PPP1R35: variants seen among roughly 807,000 people sequenced by gnomAD.
PPP1R35 encodes the protein protein phosphatase 1 regulatory subunit 35.
Under a neutral mutation model 22.2 loss-of-function variants are expected in PPP1R35, and 23 were observed. The ratio of observed to expected loss-of-function variants is 1.04; its 90% confidence interval spans 0.75 to 1.47. The LOEUF (loss-of-function observed/expected upper bound fraction) is 1.47, where lower values mean the gene tolerates loss of function less well. PPP1R35 is among the 40% of genes most tolerant of loss of function. The pLI, the probability that PPP1R35 is intolerant of heterozygous loss-of-function variation, is 0.00. For synonymous variants in PPP1R35, 198 were observed against 165.7 expected (o/e 1.19, Z -1.50); for missense variants, 409 against 349.6 (o/e 1.17, Z -1.36).
At position 100,435,875 on chromosome 7, in the gene PPP1R35, A is replaced by G. The variant is rs201142571; in HGVS notation, c.424T>C (p.Cys142Arg). The G allele has an allele frequency of 1.9e-6, 3 of 1,597,064 alleles. No homozygotes were observed. In the African/African-American group the frequency reaches 4.0e-5, roughly 21 times the overall value. The part of the protein sequence containing the change: ...EQLRKSFQIR[C>R]GLEESVSEGL... ...TCGGACACGCTCTCCTCCAGGCCGC[A>G]GCGGATCTGGAACGACTTTCTCAGC... The change falls in exon 2 of 4, where the codon TGC becomes CGC. Residue 142 changes from cysteine (C) to arginine (R), a missense_variant. Transcript: ENST00000292330.
chr7:100,435,823 G>GCGGC (rs1563168252), intron 2 of PPP1R35, 25 bp downstream of exon 2: 20 of 1,575,090 alleles, frequency 1.3e-5, no homozygotes, highest in South Asian at 3.4e-5. Context: ...ACTCCCGCAC[G>GCGGC]CGGCCGGCCG....
Position 100,436,006 on chromosome 7 carries a change from G to C in PPP1R35, c.293C>G (p.Pro98Arg). 6.4e-6 allele frequency: 10 copies of C among 1,553,590 alleles called. 1 individual carries two copies. Among genetic ancestry groups the C allele is most frequent in the Non-Finnish European group, 8.7e-6 (10 of 1,155,832 alleles). ...CAGCACGGGCATCTCCAGCTCCTGCGGCACCGCAGGCTGCGGCTCGGACCG... is the reference window on the plus strand; with the variant it reads ...CAGCACGGGCATCTCCAGCTCCTGCCGCACCGCAGGCTGCGGCTCGGACCG... ...PVRSEPQPAV[P>R]QELEMPVLKS... Residue 98 changes from proline to arginine, a missense_variant, in exon 2 of 4, where the codon CCG becomes CGG. Coordinates refer to ENST00000292330, the MANE Select transcript of PPP1R35 (RefSeq NM_145030.4).
Position 100,436,283 on chromosome 7 carries a change from G to C in PPP1R35, c.92C>G (p.Pro31Arg), listed in dbSNP as rs749629453. Residue 31 changes from proline (P) to arginine (R), a missense_variant, in exon 1 of 4, where the codon CCG becomes CGG. Transcript: ENST00000292330. ...CTCGGGCACTGGGGCTCGGAGTTGCGGGACTTGGGGCTCCGGGGGTGGCCC... is the reference window on the plus strand; with the variant it reads ...CTCGGGCACTGGGGCTCGGAGTTGCCGGACTTGGGGCTCCGGGGGTGGCCC... ...VPGPPPEPQV[P>R]QLRAPVPEPG... The C allele has an allele frequency of 1.4e-5, 19 of 1,350,718 alleles. No homozygotes were observed. Among genetic ancestry groups the C allele is most frequent in the Admixed American group, 3.0e-5 (1 of 33,526 alleles). 83.7% of individuals were successfully genotyped at this position (1,350,718 alleles called of 1,614,324 possible).
In PPP1R35 at chr7:100,435,770, G is replaced by C. The variant is rs750452769; in HGVS notation, c.452-3C>G. ...CTTGGAGCGCGGCACGTTCAGCCCT[G>C]AGAGCGCAGCGGGGACGGAGGTGAG... On this transcript the variant is annotated splice_polypyrimidine_tract_variant and splice_region_variant and intron_variant, in intron 2 of 3. Transcript: ENST00000292330. The C allele has an allele frequency of 1.3e-6, 2 of 1,598,248 alleles. No homozygotes were observed. Among genetic ancestry groups the C allele is most frequent in the Non-Finnish European group, 1.7e-6 (2 of 1,176,986 alleles).
chr7:100,436,381 A>T lies in PPP1R35; in HGVS notation c.-7T>A. The T allele has an allele frequency of 6.7e-7, 1 of 1,495,428 alleles. No homozygotes were observed. Among genetic ancestry groups the T allele is most frequent in the Non-Finnish European group, 8.9e-7 (1 of 1,118,968 alleles). 92.6% of individuals were successfully genotyped at this position (1,495,428 alleles called of 1,614,324 possible). On this transcript the variant is annotated 5_prime_UTR_variant, in exon 1 of 4. Coordinates refer to ENST00000292330, the MANE Select transcript of PPP1R35 (RefSeq NM_145030.4). Reference sequence around the variant, plus strand: ...CCCCACAACCCATCATCATCTTTGGAGGTGCCTTGAGGGTGCGGGGATGCG... The same window carrying T: ...CCCCACAACCCATCATCATCTTTGGTGGTGCCTTGAGGGTGCGGGGATGCG...
In PPP1R35 at chr7:100,435,400, G is replaced by C. The variant is rs771432089; in HGVS notation, c.722C>G (p.Thr241Ser). 1.9e-5 allele frequency: 30 copies of C among 1,611,426 alleles called. No individual in the cohort carries two copies. The highest frequency in any genetic ancestry group is 1.9e-5 in the Non-Finnish European group (22 of 1,179,330). The change falls in exon 4 of 4, where the codon ACC becomes AGC. Residue 241 changes from threonine to serine, a missense_variant. Thr to Ser is a moderately conservative substitution (Grantham distance 58). Coordinates refer to ENST00000292330, the MANE Select transcript of PPP1R35 (RefSeq NM_145030.4). ...CCTCAGTGTCCGGTGCATGAGGAAG[G>C]TGTCCTCTGAAGGGCGGGGCCGGAG... ...LQLRPRPSED[T>S]FLMHRTLRRW...
In PPP1R35 at chr7:100,435,903, T is replaced by C; in HGVS notation, c.396A>G (p.Glu132=). ...SHFDAAKAVE[E]QLRKSFQIRC... ...GGATCTGGAACGACTTTCTCAGCTG[T>C]TCCTCCACGGCCTTCGCAGCATCAA... Residue 132 remains glutamate (E), a synonymous_variant, in exon 2 of 4, where the codon GAA becomes GAG. Transcript: ENST00000292330. 1.9e-6 allele frequency: 3 copies of C among 1,563,946 alleles called. No homozygotes were observed. The highest frequency in any genetic ancestry group is 1.7e-6 in the Non-Finnish European group (2 of 1,153,854).
At chr7:100,436,501 C>T (rs1008585685), upstream of PPP1R35, 5 of 622,130 alleles carry the variant, frequency 8.0e-6, no homozygotes, top group Non-Finnish European at 1.2e-5. Context: ...AACCGTTAAC[C>T]CTTTCCTTCG....
In PPP1R35 at chr7:100,436,084, C is replaced by T; in HGVS notation, c.235-20G>A. On this transcript the variant is annotated intron_variant, in intron 1 of 3. Coordinates refer to ENST00000292330, the MANE Select transcript of PPP1R35 (RefSeq NM_145030.4). The stretch of plus-strand genomic sequence containing the variant: ...GCGGACCTGGGAGCAGAGGGCAGGG[C>T]AGTGACCAGGTGGGCGCGAGGCCGT... 6.6e-7 allele frequency: 1 copy of T among 1,518,514 alleles called. No homozygotes were observed. Among genetic ancestry groups the T allele is most frequent in the Non-Finnish European group, 8.8e-7 (1 of 1,140,290 alleles). The allele number at this position is 1,518,514 out of a possible 1,614,324, so 94.1% of individuals were successfully genotyped here.
rs748669640 is a variant in PPP1R35 at position 100,435,314 on chromosome 7, A to G, written c.*46T>C. On this transcript the variant is annotated 3_prime_UTR_variant, in exon 4 of 4. Transcript: ENST00000292330. ...GCAAAATTACTTTATTCTAACAAATAGTTTAACACAAAAATACGAACTAGC... is the reference window on the plus strand; with the variant it reads ...GCAAAATTACTTTATTCTAACAAATGGTTTAACACAAAAATACGAACTAGC... The G allele has an allele frequency of 1.9e-6, 3 of 1,541,522 alleles. No individual in the cohort carries two copies. Among genetic ancestry groups the G allele is most frequent in the East Asian group, 4.5e-5 (2 of 44,064 alleles).
At position 100,436,234 on chromosome 7, in the gene PPP1R35, G is replaced by A. The variant is rs763938448; in HGVS notation, c.141C>T (p.Ser47=). ...GCGGCTGAGGGCTGTCGGGCCGCGG[G>A]CTCAGGCTCAAGTCCAGGCCGGGCT... The part of the protein sequence containing the change: ...VPEPGLDLSL[S]PRPDSPQPRH... Residue 47 remains serine (S), a synonymous_variant, in exon 1 of 4, where the codon AGC becomes AGT. Coordinates refer to ENST00000292330, the MANE Select transcript of PPP1R35 (RefSeq NM_145030.4). The A allele has an allele frequency of 6.2e-6, 8 of 1,286,108 alleles. No homozygotes were observed. Among genetic ancestry groups the A allele is most frequent in the Non-Finnish European group, 7.9e-6 (8 of 1,013,988 alleles). 79.7% of individuals were successfully genotyped at this position (1,286,108 alleles called of 1,614,324 possible). A position where few individuals can be genotyped will look rare whatever the true frequency, so the allele number is the denominator to read the frequency against.
chr7:100,435,914 C>A lies in PPP1R35; in HGVS notation c.385G>T (p.Ala129Ser). Residue 129 changes from alanine to serine, a missense_variant, in exon 2 of 4, where the codon GCC (alanine) becomes TCC (serine). Transcript: ENST00000292330. ...AAGSHFDAAKAVEEQLRKSFQ... is the reference protein window; with the variant it reads ...AAGSHFDAAKSVEEQLRKSFQ... ...GACTTTCTCAGCTGTTCCTCCACGG[C>A]CTTCGCAGCATCAAAGTGGCTCCCG... 2.5e-6 allele frequency: 4 copies of A among 1,601,524 alleles called. No individual in the cohort carries two copies. In the South Asian group the frequency reaches 4.4e-5, roughly 18 times the overall value.
chr7:100,436,139 A>C lies in PPP1R35; in HGVS notation c.234+2T>G. ...GGCCGGGGGCCAGCCTCCCCCGCTC[A>C]CCTGCCGCCGCTGCCGAGCCGCGCC... On this transcript the variant is annotated splice_donor_variant, in intron 1 of 3. Transcript: ENST00000292330. LOFTEE classifies it high-confidence loss of function. The C allele has an allele frequency of 1.6e-6, 2 of 1,284,212 alleles. No individual in the cohort carries two copies. The highest frequency in any genetic ancestry group is 2.0e-6 in the Non-Finnish European group (2 of 1,020,468). The allele number at this position is 1,284,212 out of a possible 1,614,324, so 79.6% of individuals were successfully genotyped here. A position where few individuals can be genotyped will look rare whatever the true frequency, so the allele number is the denominator to read the frequency against.
In PPP1R35 at chr7:100,436,347, G is replaced by A. The variant is rs1361761102; in HGVS notation, c.28C>T (p.Leu10=). ...GCTTCTTCCCCGTCCGCCGACTTCA[G>A]CTCTGACTCCCCACAACCCATCATC... The part of the protein sequence containing the change: MMMGCGESE[L]KSADGEEAAA... Residue 10 remains leucine, a synonymous_variant, in exon 1 of 4, where the codon CTG becomes TTG. Coordinates refer to ENST00000292330, the MANE Select transcript of PPP1R35 (RefSeq NM_145030.4). The A allele has an allele frequency of 2.1e-6, 3 of 1,426,574 alleles. No individual in the cohort carries two copies. The highest frequency in any genetic ancestry group is 2.8e-6 in the Non-Finnish European group (3 of 1,083,366). 88.4% of individuals were successfully genotyped at this position (1,426,574 alleles called of 1,614,324 possible). A position where few individuals can be genotyped will look rare whatever the true frequency, so the allele number is the denominator to read the frequency against.
Position 100,435,391 on chromosome 7 carries a change from A to T in PPP1R35, c.731T>A (p.Met244Lys). ...RPRPSEDTFLMHRTLRRWEA is the reference protein window; with the variant it reads ...RPRPSEDTFLKHRTLRRWEA ...TTCCCATCGCCTCAGTGTCCGGTGC[A>T]TGAGGAAGGTGTCCTCTGAAGGGCG... Residue 244 changes from methionine to lysine, a missense_variant, in exon 4 of 4, where the codon ATG becomes AAG. Physicochemically the swap from Met to Lys is moderately conservative, Grantham distance 95. Coordinates refer to ENST00000292330, the MANE Select transcript of PPP1R35 (RefSeq NM_145030.4). 6.2e-7 allele frequency: 1 copy of T among 1,609,730 alleles called. No homozygotes were observed. The highest frequency in any genetic ancestry group is 1.3e-5 in the African/African-American group (1 of 74,674).
In PPP1R35 at chr7:100,436,446, G is replaced by T; in HGVS notation, c.-72C>A. 8.7e-7 allele frequency: 1 copy of T among 1,155,518 alleles called. No homozygotes were observed. The highest frequency in any genetic ancestry group is 1.2e-6 in the Non-Finnish European group (1 of 855,132). 71.6% of individuals were successfully genotyped at this position (1,155,518 alleles called of 1,614,324 possible). Reference sequence around the variant, plus strand: ...TCCAACGGTCAGGGGACACAGCCTGGCTGCCGCCTCCTTTCCCCCGCCCCT... The same window carrying T: ...TCCAACGGTCAGGGGACACAGCCTGTCTGCCGCCTCCTTTCCCCCGCCCCT... On this transcript the variant is annotated 5_prime_UTR_variant, in exon 1 of 4. Coordinates refer to ENST00000292330, the MANE Select transcript of PPP1R35 (RefSeq NM_145030.4).
chr7:100,435,594 G>A, intron 3 of PPP1R35, 37 bp downstream of exon 3: 5 of 1,614,054 alleles, frequency 3.1e-6, no homozygotes, highest in Non-Finnish European at 4.2e-6. Context: ...CGGGTAAGGG[G>A]GTACATGGAG....
chr7:100,435,954 C>A lies in PPP1R35; in HGVS notation c.345G>T (p.Glu115Asp). 1 of 1,589,388 alleles carries A rather than the reference C, an allele frequency of 6.3e-7. No individual in the cohort carries two copies. Among genetic ancestry groups the A allele is most frequent in the Non-Finnish European group, 8.5e-7 (1 of 1,173,626 alleles). ...VLKSSLALGL[E>D]LRAAAGSHFD... ...AGTGGCTCCCGGCTGCGGCCCGCAG[C>A]TCCAGGCCCAAGGCCAGGCTGCTCT... is the stretch of plus-strand genomic sequence containing the variant. The change falls in exon 2 of 4, where the codon GAG (glutamate) becomes GAT (aspartate). Residue 115 changes from glutamate (E) to aspartate (D), a missense_variant. Glu to Asp is a conservative substitution (Grantham distance 45). Coordinates refer to ENST00000292330, the MANE Select transcript of PPP1R35 (RefSeq NM_145030.4).
chr7:100,436,117 C>G (rs1563168770), intron 1 of PPP1R35, 24 bp downstream of exon 1: 2 of 1,406,682 alleles, frequency 1.4e-6, no homozygotes, highest in South Asian at 1.5e-5. Flanking sequence ...CGTCGCGGGC[C>G]GGGGGCCAGC....
Sources: gnomAD v4.1 joint callset for allele counts on GRCh38, gnomAD v4.1.1 for gene constraint, MANE v1.5 for transcripts, NCBI Gene and HGNC (gene_info 2026-07-23, HGNC 2026-07-21) for gene names.